Variants in WDR35 observed in about 807,000 individuals in gnomAD.
The protein encoded by WDR35 is WD repeat-containing protein 35.
Under a neutral mutation model 158.3 loss-of-function variants are expected in WDR35, and 118 were observed. The observed-to-expected ratio is 0.75, with a 90% CI of 0.64 to 0.87. The LOEUF is 0.87. Among genes scored for constraint, WDR35 ranks in the 40% least tolerant of loss-of-function variants. The probability of loss-of-function intolerance (pLI) is 0.00; values close to 1 mark genes in which losing one functional copy is unlikely to be tolerated. For synonymous variants in WDR35, 448 were observed against 476.1 expected (o/e 0.94, Z 0.77); for missense variants, 1,263 against 1,405.8 (o/e 0.90, Z 1.62).
At chr2:19,935,647 C>G (rs768424616) in intron 20 of WDR35, 44 bp from the exon 21 acceptor site, 2 of 1,599,602 alleles carry the variant, frequency 1.3e-6, no homozygotes, top group Non-Finnish European at 8.5e-7. Context: ...TAATGTGAAT[C>G]TCCTGATAAA....
chr2:19,921,674 A>T (rs995259356), intron 25 of WDR35, among the ~76,000 whole-genome samples: 3 of 152,230 alleles, frequency 2.0e-5, no homozygotes, highest in Admixed American at 2.0e-4. Flanking sequence ...ATGGGCAAAG[A>T]CTTCATAACT....
intron 17 of WDR35, among the ~76,000 whole-genome samples, chr2:19,941,425 A>AT (rs148007474): frequency 0.043 from 6,594 of 152,066 alleles, 242 homozygotes; most frequent in East Asian, 0.2. Context: ...ATTAGCACTC[A>AT]TTTTTTTTAG....
At chr2:19,938,520 G>T (rs1428547706) in intron 17 of WDR35, 119 bp from the exon 18 acceptor site, 3 of 1,281,244 alleles carry the variant, frequency 2.3e-6, no homozygotes, top group Middle Eastern at 2.7e-4. Context: ...CATATTGTGA[G>T]CAAAATAAGG....
At chr2:19,923,945 C>T (rs1243965853) in intron 25 of WDR35, among the ~76,000 whole-genome samples, 1 of 152,198 alleles carries the variant, frequency 6.6e-6, no homozygotes, top group East Asian at 1.9e-4. Context: ...GATGCTCTTA[C>T]TCAGGCTTGT....
intron 11 of WDR35, among the ~76,000 whole-genome samples, chr2:19,958,020 T>C (rs1671505378): frequency 1.3e-5 from 2 of 152,208 alleles, no homozygotes; most frequent in Admixed American, 1.3e-4. Context: ...AGGCATGAAA[T>C]AAATGCCTAC....
intron 7 of WDR35, among the ~76,000 whole-genome samples, chr2:19,974,088 AC>A (rs1460677445): frequency 2.0e-5 from 3 of 150,412 alleles, no homozygotes; most frequent in African/African-American, 7.4e-5. Context: ...ACAGAGCAAG[AC>A]CCTGTCGCAA....
intron 25 of WDR35, among the ~76,000 whole-genome samples, chr2:19,918,296 T>C (rs1189691543): frequency 6.6e-6 from 1 of 152,104 alleles, no homozygotes; most frequent in African/African-American, 2.4e-5. Flanking sequence ...ACATACCAAA[T>C]TGTAAAGAGC....
chr2:19,972,266 G>C (rs1300300039), intron 8 of WDR35, among the ~76,000 whole-genome samples: 1 of 152,146 alleles, frequency 6.6e-6, no homozygotes. Flanking sequence ...ACTATGACCT[G>C]AGGAACTATG....
intron 17 of WDR35, among the ~76,000 whole-genome samples, chr2:19,938,695 T>C (rs750507799): frequency 6.6e-6 from 1 of 152,198 alleles, no homozygotes; most frequent in Non-Finnish European, 1.5e-5. Flanking sequence ...TCTGCTCAGA[T>C]TGGTTTTTCA....
chr2:19,968,139 T>C (rs574327813), intron 9 of WDR35, among the ~76,000 whole-genome samples: 5 of 152,310 alleles, frequency 3.3e-5, no homozygotes, highest in Non-Finnish European at 7.4e-5. Flanking sequence ...ACTTCAGGTT[T>C]TTAGGAAGAC....
At chr2:19,989,399 A>G (rs967136832) in intron 1 of WDR35, 117 bp from the exon 2 acceptor site, 9 of 914,710 alleles carry the variant, frequency 9.8e-6, no homozygotes, top group African/African-American at 3.3e-5. Flanking sequence ...GGCCTTGCAG[A>G]AAAAAAATGA....
At chr2:19,984,916 A>T (rs1306869136) in intron 2 of WDR35, among the ~76,000 whole-genome samples, 1 of 152,210 alleles carries the variant, frequency 6.6e-6, no homozygotes, top group Admixed American at 6.5e-5. Context: ...TGAGAAAGAG[A>T]TGGTACCATA....
intron 11 of WDR35, 39 bp downstream of exon 11, chr2:19,960,515 A>T (rs1337585321): frequency 1.3e-6 from 2 of 1,522,802 alleles, no homozygotes; most frequent in Middle Eastern, 1.7e-4. Flanking sequence ...TACAAATAAA[A>T]CCTGATTGGA....
At chr2:19,927,175 T>C (rs1234399059) in intron 25 of WDR35, among the ~76,000 whole-genome samples, 1 of 152,204 alleles carries the variant, frequency 6.6e-6, no homozygotes, top group East Asian at 1.9e-4. Context: ...TTTATCAATC[T>C]TGGCTGGCAA....
intron 12 of WDR35, among the ~76,000 whole-genome samples, chr2:19,953,552 A>G (rs186050428): frequency 2.8e-3 from 428 of 152,310 alleles, no homozygotes; most frequent in African/African-American, 9.3e-3. Context: ...TTAGTATAGC[A>G]TATTAACTCT....
intron 9 of WDR35, among the ~76,000 whole-genome samples, chr2:19,969,129 T>G (rs1195251361): frequency 6.6e-6 from 1 of 152,232 alleles, no homozygotes; most frequent in Non-Finnish European, 1.5e-5. Context: ...TCTTGCCCCT[T>G]CAGGCCCAGG....
At chr2:19,926,222 T>A (rs1200240716) in intron 25 of WDR35, among the ~76,000 whole-genome samples, 2 of 152,234 alleles carry the variant, frequency 1.3e-5, no homozygotes, top group Non-Finnish European at 2.9e-5. Flanking sequence ...AGTCATAGAT[T>A]TAAAATACTG....
chr2:19,952,102 G>T (rs1671256990), intron 12 of WDR35, among the ~76,000 whole-genome samples: 1 of 152,058 alleles, frequency 6.6e-6, no homozygotes, highest in Non-Finnish European at 1.5e-5. Flanking sequence ...GGCTTTTAGT[G>T]CAACCACAAC....
chr2:19,960,384 T>C (rs992359529), intron 11 of WDR35, among the ~76,000 whole-genome samples, 170 bp downstream of exon 11: 2 of 152,132 alleles, frequency 1.3e-5, no homozygotes, highest in African/African-American at 4.8e-5. Context: ...TATTAAGAAT[T>C]CTACCATGGT....
Sources: allele counts gnomAD v4.1 joint callset (sites outside exome capture counted in the v4.1 genomes callset), GRCh38; gene constraint gnomAD v4.1.1; transcripts MANE v1.5; gene names NCBI Gene and HGNC (gene_info 2026-07-23, HGNC 2026-07-21).